LIN28B: variants seen among roughly 807,000 people sequenced by gnomAD.
LIN28B encodes lin-28 RNA binding posttranscriptional regulator B.
LIN28B carries 5 observed loss-of-function variants against 21.9 expected under a neutral mutation model. The ratio of observed to expected loss-of-function variants is 0.23; its 90% CI spans 0.12 to 0.48. The LOEUF (loss-of-function observed/expected upper bound fraction) is 0.48, where lower values mean the gene tolerates loss of function less well. Among genes scored for constraint, LIN28B ranks in the 20% least tolerant of loss-of-function variants. The probability of loss-of-function intolerance (pLI) is 0.98; values close to 1 mark genes in which losing one functional copy is unlikely to be tolerated. For missense variants in LIN28B, 245 were observed against 310.5 expected (o/e 0.79, Z 1.58); for synonymous variants, 109 against 111.3 (o/e 0.98, Z 0.13).
chr6:105,054,099 A>G (rs1771975915), intron 3 of LIN28B, among the ~76,000 whole-genome samples: 1 of 152,146 alleles, frequency 6.6e-6, no homozygotes, highest in South Asian at 2.1e-4. Context: ...TATTTAAAAT[A>G]TGTCTCCTGC....
At chr6:104,951,426 G>C (rs1183251456) in intron 3 of LIN28B, among the ~76,000 whole-genome samples, 1 of 151,998 alleles carries the variant, frequency 6.6e-6, no homozygotes, top group Non-Finnish European at 1.5e-5. Context: ...TCTTGACATA[G>C]GGGTGATACT....
rs539868688 is a variant in LIN28B at position 104,937,361 on chromosome 6, C to T, written c.18+245C>T. 2.0e-5 allele frequency among the ~76,000 whole-genome samples: 3 copies of T among 152,252 alleles called. No homozygotes were observed. In the South Asian group the frequency reaches 6.2e-4, roughly 32 times the overall value. ...CTGGGGTGCAGGGCCGCAGTCTCGG[C>T]TCGCTGCAACCTCCGCCTCCCGGCT... On this transcript the variant is annotated intron_variant, in intron 2 of 5. Transcript: ENST00000635857.
chr6:105,029,007 A>G (rs554389623), intron 3 of LIN28B, among the ~76,000 whole-genome samples: 3 of 152,316 alleles, frequency 2.0e-5, no homozygotes, highest in South Asian at 4.1e-4. Flanking sequence ...GGTATGTTAA[A>G]TGGTGCTGAT....
chr6:105,004,016 C>G (rs1401167691), intron 2 of LIN28B, among the ~76,000 whole-genome samples: 1 of 152,098 alleles, frequency 6.6e-6, no homozygotes, highest in Non-Finnish European at 1.5e-5. Context: ...TGCTGAGGAG[C>G]AAGGAAAGCC....
chr6:105,015,052 T>G (rs534789534), intron 2 of LIN28B, among the ~76,000 whole-genome samples: 2 of 152,126 alleles, frequency 1.3e-5, no homozygotes, highest in Non-Finnish European at 2.9e-5. Context: ...CTTGATGGTG[T>G]TTTTTAAAAG....
chr6:105,001,330 A>G (rs1582888785), intron 2 of LIN28B, among the ~76,000 whole-genome samples: 1 of 152,178 alleles, frequency 6.6e-6, no homozygotes, highest in African/African-American at 2.4e-5. Flanking sequence ...ACTTTTTTAT[A>G]CTGAAGATGA....
intron 2 of LIN28B, among the ~76,000 whole-genome samples, chr6:105,011,338 A>G (rs747890150): frequency 3.3e-5 from 5 of 152,104 alleles, no homozygotes; most frequent in African/African-American, 7.2e-5. Context: ...CTACAGACAC[A>G]TGTCACAATG....
At chr6:104,953,553 TAGTG>T (rs1312425372), upstream of LIN28B, among the ~76,000 whole-genome samples, 1 of 152,200 alleles carries the variant, frequency 6.6e-6, no homozygotes, top group Non-Finnish European at 1.5e-5. Context: ...GTCCCTAAAT[TAGTG>T]AGAAATCACC....
intron 2 of LIN28B, among the ~76,000 whole-genome samples, chr6:105,000,203 A>T (rs977351675): frequency 6.6e-6 from 1 of 152,122 alleles, no homozygotes; most frequent in African/African-American, 2.4e-5. Flanking sequence ...TAAATGAAAA[A>T]AGTATAGTAT....
chr6:105,025,508 A>G (rs965603590), intron 2 of LIN28B, among the ~76,000 whole-genome samples: 3 of 152,186 alleles, frequency 2.0e-5, no homozygotes, highest in African/African-American at 4.8e-5. Flanking sequence ...AAAAGCTCAA[A>G]CGACGCAGTA....
chr6:105,006,449 C>T (rs1451596311), intron 2 of LIN28B, among the ~76,000 whole-genome samples: 2 of 152,070 alleles, frequency 1.3e-5, no homozygotes, highest in African/African-American at 4.8e-5. Context: ...GTAGCTGGGA[C>T]TACAGGCACC....
At chr6:104,968,121 T>G (rs1396968111) in intron 2 of LIN28B, among the ~76,000 whole-genome samples, 1 of 152,242 alleles carries the variant, frequency 6.6e-6, no homozygotes, top group Non-Finnish European at 1.5e-5. Flanking sequence ...TTATTGATCA[T>G]GTACTCAGTG....
intron 2 of LIN28B, among the ~76,000 whole-genome samples, chr6:105,015,203 GCT>G (rs1771003150): frequency 6.6e-6 from 1 of 152,050 alleles, no homozygotes. Flanking sequence ...GCATCTCAAA[GCT>G]CTGTTACTGG....
chr6:105,045,257 A>C (rs1771728911), intron 3 of LIN28B, among the ~76,000 whole-genome samples: 1 of 150,462 alleles, frequency 6.6e-6, no homozygotes, highest in African/African-American at 2.4e-5. Flanking sequence ...TTAATATGGA[A>C]TACTTCATAA....
At chr6:104,985,892 A>G (rs1770328804) in intron 2 of LIN28B, among the ~76,000 whole-genome samples, 1 of 152,206 alleles carries the variant, frequency 6.6e-6, no homozygotes, top group Non-Finnish European at 1.5e-5. Flanking sequence ...CCCTAGATTT[A>G]AAATATGATC....
At chr6:104,964,469 A>G (rs1055416984) in intron 2 of LIN28B, among the ~76,000 whole-genome samples, 1 of 152,240 alleles carries the variant, frequency 6.6e-6, no homozygotes, top group African/African-American at 2.4e-5. Context: ...TTTTATCATT[A>G]TCAAAGACTA....
At chr6:105,077,186 C>CT (rs1266352252) in intron 3 of LIN28B, among the ~76,000 whole-genome samples, 2 of 152,084 alleles carry the variant, frequency 1.3e-5, no homozygotes, top group African/African-American at 4.8e-5. Flanking sequence ...ACCGAGATCA[C>CT]TGCACTCTGG....
intron 2 of LIN28B, among the ~76,000 whole-genome samples, chr6:105,025,533 A>C (rs1222943813): frequency 1.3e-5 from 2 of 152,206 alleles, no homozygotes; most frequent in African/African-American, 4.8e-5. Flanking sequence ...ATATACCAGA[A>C]AACTTTGCTA....
intron 2 of LIN28B, among the ~76,000 whole-genome samples, chr6:105,010,598 A>G (rs932448980): frequency 3.3e-5 from 5 of 152,140 alleles, no homozygotes; most frequent in African/African-American, 9.7e-5. Flanking sequence ...CTCTGCATCT[A>G]TTATACCTCT....
Sources: gnomAD v4.1 joint callset for allele counts (sites outside exome capture counted in the v4.1 genomes callset) on GRCh38, gnomAD v4.1.1 for gene constraint, MANE v1.5 for transcripts, NCBI Gene and HGNC (gene_info 2026-07-23, HGNC 2026-07-21) for gene names.